Variants in WDR41 observed in about 807,000 individuals in gnomAD.
WDR41 encodes WD repeat-containing protein 41.
Under a neutral mutation model 69.3 loss-of-function variants are expected in WDR41, and 63 were observed. The observed-to-expected ratio is 0.91, with a 90% CI of 0.74 to 1.12. The LOEUF (loss-of-function observed/expected upper bound fraction) is 1.12, where lower values mean the gene tolerates loss of function less well. Ranked by LOEUF, WDR41 falls within the 50% of genes most tolerant of loss-of-function variation. The probability of loss-of-function intolerance (pLI) is 0.00; values close to 1 mark genes in which losing one functional copy is unlikely to be tolerated. For missense variants in WDR41, 543 were observed against 534.5 expected (o/e 1.02, Z -0.16); for synonymous variants, 185 against 192.1 (o/e 0.96, Z 0.31).
At chr5:77,470,691 C>T (rs1800549128) in intron 2 of WDR41, among the ~76,000 whole-genome samples, 1 of 152,192 alleles carries the variant, frequency 6.6e-6, no homozygotes, top group Admixed American at 6.5e-5. Flanking sequence ...AAGGCCATTA[C>T]ATCATGGTAA....
intron 1 of WDR41, among the ~76,000 whole-genome samples, chr5:77,514,179 A>C (rs1802257787): frequency 6.6e-6 from 1 of 152,104 alleles, no homozygotes. Flanking sequence ...CATTCTTAGC[A>C]TTTTGATGTA....
intron 1 of WDR41, among the ~76,000 whole-genome samples, chr5:77,592,134 T>C (rs1156311739): frequency 6.6e-6 from 1 of 152,182 alleles, no homozygotes; most frequent in African/African-American, 2.4e-5. Flanking sequence ...CTACTTTATC[T>C]GGTATTACTG....
intron 1 of WDR41, among the ~76,000 whole-genome samples, chr5:77,583,737 T>C (rs1215145372): frequency 6.6e-6 from 1 of 152,116 alleles, no homozygotes; most frequent in East Asian, 1.9e-4. Context: ...GGGGGACCAC[T>C]TCCTCTCTCC....
At chr5:77,441,090 C>T (rs1339190689) in intron 8 of WDR41, 93 bp from the exon 9 acceptor site, 4 of 1,346,394 alleles carry the variant, frequency 3.0e-6, no homozygotes, top group African/African-American at 1.5e-5. Flanking sequence ...CCGTATAAAA[C>T]CACAGTAATT....
intron 2 of WDR41, among the ~76,000 whole-genome samples, chr5:77,477,003 A>G (rs892218498): frequency 1.3e-5 from 2 of 148,966 alleles, no homozygotes; most frequent in Non-Finnish European, 2.9e-5. Flanking sequence ...TGGAAAACAA[A>G]AAAAGGCAGG....
upstream of WDR41, among the ~76,000 whole-genome samples, chr5:77,494,751 C>A (rs1357770314): frequency 6.6e-6 from 1 of 152,046 alleles, no homozygotes; most frequent in Non-Finnish European, 1.5e-5. Context: ...ATAGATAGAA[C>A]AACCAGACAA....
chr5:77,515,578 A>G (rs1008721783), intron 1 of WDR41, among the ~76,000 whole-genome samples: 2 of 152,190 alleles, frequency 1.3e-5, no homozygotes, highest in African/African-American at 4.8e-5. Flanking sequence ...TATTCTTATC[A>G]AGTATTATAT....
chr5:77,618,752 A>G (rs149168878), intron 1 of WDR41, among the ~76,000 whole-genome samples: 57 of 152,320 alleles, frequency 3.7e-4, no homozygotes, highest in Non-Finnish European at 5.7e-4. Context: ...TTTAACAAAG[A>G]AGGGGGACCA....
intron 5 of WDR41, among the ~76,000 whole-genome samples, chr5:77,455,051 A>G (rs1799773481): frequency 6.6e-6 from 1 of 152,172 alleles, no homozygotes; most frequent in African/African-American, 2.4e-5. Flanking sequence ...GTCAAATGAT[A>G]ATTCTGTTTA....
intron 1 of WDR41, among the ~76,000 whole-genome samples, chr5:77,542,508 A>T (rs7732814): frequency 0.33 from 49,770 of 152,010 alleles, 8,227 homozygotes; most frequent in Middle Eastern, 0.35. Context: ...ATAGACTGAA[A>T]ACAAAACACT....
intron 1 of WDR41, among the ~76,000 whole-genome samples, chr5:77,580,037 A>G (rs899405466): frequency 2.6e-5 from 4 of 152,128 alleles, no homozygotes; most frequent in African/African-American, 9.7e-5. Context: ...CTACAAAAAT[A>G]GAAGAAAAGG....
intron 3 of WDR41, 147 bp from the exon 4 acceptor site, chr5:77,463,373 CAG>C: frequency 1.5e-6 from 1 of 655,958 alleles, no homozygotes; most frequent in Non-Finnish European, 2.2e-6. Context: ...AGCAATCACA[CAG>C]AATCTAAACA....
chr5:77,614,326 G>A (rs905434761), intron 1 of WDR41, among the ~76,000 whole-genome samples: 7 of 151,866 alleles, frequency 4.6e-5, no homozygotes, highest in Admixed American at 1.3e-4. Context: ...AAATCATGCC[G>A]CTATAAAGAC....
chr5:77,500,347 G>C (rs1475109794), intron 1 of WDR41, among the ~76,000 whole-genome samples: 1 of 152,036 alleles, frequency 6.6e-6, no homozygotes, highest in Non-Finnish European at 1.5e-5. Flanking sequence ...AGAGGACAGA[G>C]GCAAGAGTCA....
At chr5:77,562,337 C>A (rs1383871950) in intron 1 of WDR41, among the ~76,000 whole-genome samples, 1 of 152,248 alleles carries the variant, frequency 6.6e-6, no homozygotes, top group East Asian at 1.9e-4. Context: ...GAAGGTAATA[C>A]AAAGTTTTAA....
chr5:77,618,541 T>C (rs1415570678), intron 1 of WDR41, among the ~76,000 whole-genome samples: 2 of 152,000 alleles, frequency 1.3e-5, no homozygotes, highest in Non-Finnish European at 2.9e-5. Flanking sequence ...CCTGGCTAAT[T>C]TTTGTATTTT....
intron 1 of WDR41, among the ~76,000 whole-genome samples, chr5:77,614,459 T>C (rs1178013441): frequency 6.6e-6 from 1 of 150,948 alleles, no homozygotes; most frequent in African/African-American, 2.4e-5. Context: ...TGGAGTACTA[T>C]GCAGCCATAA....
At chr5:77,474,084 AC>A (rs1800766477) in intron 2 of WDR41, among the ~76,000 whole-genome samples, 1 of 152,178 alleles carries the variant, frequency 6.6e-6, no homozygotes, top group Non-Finnish European at 1.5e-5. Context: ...GCACATATAC[AC>A]CATGGAATAC....
intron 1 of WDR41, among the ~76,000 whole-genome samples, chr5:77,565,372 C>A (rs1743604421): frequency 6.6e-6 from 1 of 152,126 alleles, no homozygotes; most frequent in Non-Finnish European, 1.5e-5. Context: ...CATAACCTAG[C>A]CCCACCTTAC....
Sources: allele counts gnomAD v4.1 joint callset (sites outside exome capture counted in the v4.1 genomes callset), GRCh38; gene constraint gnomAD v4.1.1; transcripts MANE v1.5; gene names NCBI Gene and HGNC (gene_info 2026-07-23, HGNC 2026-07-21).